PTPRD: variants seen among roughly 807,000 people sequenced by gnomAD.
PTPRD encodes the protein receptor-type tyrosine-protein phosphatase delta.
Under a neutral mutation model 214.5 loss-of-function variants are expected in PTPRD, and 34 were observed. The ratio of observed to expected loss-of-function variants is 0.16; its 90% confidence interval spans 0.12 to 0.21. The LOEUF is 0.21. Ranked by LOEUF, PTPRD falls within the 10% of genes least tolerant of loss-of-function variation. PTPRD has a pLI of 1.00. For missense variants in PTPRD, 2,545 were observed against 2,398.7 expected (o/e 1.06, Z -1.27); for synonymous variants, 1,128 against 845.7 (o/e 1.33, Z -5.79).
At chr9:9,160,409 T>C (rs761502971) in intron 10 of PTPRD, among the ~76,000 whole-genome samples, 1 of 151,986 alleles carries the variant, frequency 6.6e-6, no homozygotes. Context: ...GACAAACAAA[T>C]AGCCAACAGG....
At chr9:8,784,356 C>T (rs1219842600) in intron 11 of PTPRD, among the ~76,000 whole-genome samples, 2 of 152,136 alleles carry the variant, frequency 1.3e-5, no homozygotes, top group Non-Finnish European at 2.9e-5. Context: ...CATGCTATTA[C>T]GTGTGTTCTT....
chr9:8,528,995 C>T (rs1282960374), intron 14 of PTPRD, among the ~76,000 whole-genome samples: 2 of 151,988 alleles, frequency 1.3e-5, no homozygotes, highest in Admixed American at 6.6e-5. Flanking sequence ...AGAGCTCAGA[C>T]GGGGCCGACT....
intron 12 of PTPRD, among the ~76,000 whole-genome samples, chr9:8,691,350 C>A (rs947633464): frequency 2.7e-5 from 4 of 150,384 alleles, no homozygotes; most frequent in African/African-American, 9.8e-5. Context: ...AGGAGAGTGT[C>A]TACAGTACCA....
intron 37 of PTPRD, among the ~76,000 whole-genome samples, chr9:8,377,940 T>C (rs189501878): frequency 2.8e-4 from 42 of 152,220 alleles, no homozygotes; most frequent in African/African-American, 8.7e-4. Context: ...CATGAAACTA[T>C]TGGCCCTTCT....
At chr9:8,887,700 A>G (rs1040008257) in intron 11 of PTPRD, among the ~76,000 whole-genome samples, 4 of 151,754 alleles carry the variant, frequency 2.6e-5, no homozygotes, top group African/African-American at 7.3e-5. Flanking sequence ...CTTCAAAGGA[A>G]GCAGTAATGA....
chr9:8,347,402 C>T lies in PTPRD; in HGVS notation c.4662-5424G>A, dbSNP rs544741450. Among the ~76,000 whole-genome samples, 4 of 152,126 alleles carry T rather than the reference C, an allele frequency of 2.6e-5. No individual in the cohort carries two copies. The East Asian group carries it at 5.8e-4, about 22-fold the overall frequency. The stretch of plus-strand genomic sequence containing the variant: ...GAGTGCCTACCATGTGCTGAGACAT[C>T]GAAGAAGGAATGAGCAGAACAAACG... On this transcript the variant is annotated intron_variant, in intron 39 of 45. Transcript: ENST00000381196.
chr9:8,652,777 G>A (rs2096838422), intron 12 of PTPRD, among the ~76,000 whole-genome samples: 1 of 152,128 alleles, frequency 6.6e-6, no homozygotes, highest in African/African-American at 2.4e-5. Flanking sequence ...ATGATAAGAA[G>A]AAAATGCTTT....
At chr9:9,055,284 G>A (rs1348312628) in intron 10 of PTPRD, among the ~76,000 whole-genome samples, 1 of 152,098 alleles carries the variant, frequency 6.6e-6, no homozygotes, top group Admixed American at 6.6e-5. Flanking sequence ...AAAATACTGA[G>A]AGTGGATATA....
At chr9:8,360,320 T>A (rs1818072) in intron 39 of PTPRD, among the ~76,000 whole-genome samples, 1 of 152,136 alleles carries the variant, frequency 6.6e-6, no homozygotes, top group African/African-American at 2.4e-5. Flanking sequence ...TGTTTGCTGT[T>A]GATATTAAAA....
intron 11 of PTPRD, among the ~76,000 whole-genome samples, chr9:8,893,634 T>C (rs920251727): frequency 3.3e-5 from 5 of 152,200 alleles, no homozygotes; most frequent in Admixed American, 2.0e-4. Flanking sequence ...CACAATGTGG[T>C]AAAGATGCAA....
chr9:8,424,375 G>A (rs540515086), intron 35 of PTPRD, among the ~76,000 whole-genome samples: 1 of 152,110 alleles, frequency 6.6e-6, no homozygotes, highest in African/African-American at 2.4e-5. Flanking sequence ...CCATTTACTA[G>A]CTGTGTGACC....
chr9:8,746,680 T>C (rs929173256), intron 11 of PTPRD, among the ~76,000 whole-genome samples: 1 of 152,166 alleles, frequency 6.6e-6, no homozygotes, highest in African/African-American at 2.4e-5. Flanking sequence ...AAGAAAATGT[T>C]GAATAAAAAC....
chr9:10,063,483 G>C (rs1227272407), intron 3 of PTPRD, among the ~76,000 whole-genome samples: 1 of 152,012 alleles, frequency 6.6e-6, no homozygotes, highest in African/African-American at 2.4e-5. Context: ...TTATGATCTA[G>C]ATATCTAAAT....
At chr9:10,226,734 G>C (rs1299059929) in intron 3 of PTPRD, among the ~76,000 whole-genome samples, 1 of 151,944 alleles carries the variant, frequency 6.6e-6, no homozygotes, top group African/African-American at 2.4e-5. Flanking sequence ...AAGTCTGTTT[G>C]TCAGCATGAG....
intron 5 of PTPRD, among the ~76,000 whole-genome samples, chr9:9,771,383 T>G (rs745611385): frequency 6.6e-6 from 1 of 152,170 alleles, no homozygotes; most frequent in African/African-American, 2.4e-5. Context: ...ACATAATTAT[T>G]TTATGTCATT....
chr9:10,471,971 A>C (rs1450264319), intron 2 of PTPRD, among the ~76,000 whole-genome samples: 1 of 152,136 alleles, frequency 6.6e-6, no homozygotes, highest in African/African-American at 2.4e-5. Flanking sequence ...TGATTATTTC[A>C]ATTTATGCCT....
chr9:10,263,097 G>T (rs1201016685), intron 3 of PTPRD, among the ~76,000 whole-genome samples: 5 of 152,118 alleles, frequency 3.3e-5, no homozygotes, highest in Non-Finnish European at 4.4e-5. Flanking sequence ...CCAGCCATGT[G>T]GAACTGTGAG....
chr9:10,414,597 C>T (rs970138210), intron 2 of PTPRD, among the ~76,000 whole-genome samples: 1 of 151,818 alleles, frequency 6.6e-6, no homozygotes, highest in Non-Finnish European at 1.5e-5. Flanking sequence ...GCTATATGCC[C>T]AGAAGAATAT....
intron 12 of PTPRD, among the ~76,000 whole-genome samples, chr9:8,725,225 C>T (rs1413535707): frequency 6.6e-6 from 1 of 152,176 alleles, no homozygotes; most frequent in Non-Finnish European, 1.5e-5. Flanking sequence ...AGATGAGCCA[C>T]TTGGCTGCTT....
Sources: gnomAD v4.1 joint callset for allele counts (sites outside exome capture counted in the v4.1 genomes callset) on GRCh38, gnomAD v4.1.1 for gene constraint, MANE v1.5 for transcripts, NCBI Gene and HGNC (gene_info 2026-07-23, HGNC 2026-07-21) for gene names.